The following TNRC6C variants were observed in gnomAD, a reference collection of about 807,000 sequenced individuals.
TNRC6C encodes the protein trinucleotide repeat-containing gene 6C protein.
A neutral mutation model predicts 153.7 loss-of-function variants in TNRC6C; 20 were observed. The ratio of observed to expected loss-of-function variants is 0.13; its 90% CI spans 0.09 to 0.19. The LOEUF is 0.19. Among genes scored for constraint, TNRC6C ranks in the 10% least tolerant of loss-of-function variants. The pLI is 1.00. For synonymous variants in TNRC6C, 811 were observed against 841.4 expected, an observed-to-expected ratio of 0.96 and a Z score of 0.63; for missense variants, 1,987 against 2,172.0, an observed-to-expected ratio of 0.91 and a Z score of 1.69.
At chr17:78,041,645 G>A (rs2072297816) in intron 2 of TNRC6C, among the ~76,000 whole-genome samples, 2 of 152,306 alleles carry the variant, frequency 1.3e-5, no homozygotes, top group South Asian at 4.1e-4. Flanking sequence ...TGAATTCAAA[G>A]TACTTTCTCC....
chr17:78,019,482 A>G (rs1331501046), intron 1 of TNRC6C, among the ~76,000 whole-genome samples: 2 of 152,206 alleles, frequency 1.3e-5, no homozygotes, highest in African/African-American at 4.8e-5. Flanking sequence ...TTTAGCTGAA[A>G]GCAGAAAATC....
In TNRC6C at chr17:78,049,530, A is replaced by G. The variant is rs1247850535; in HGVS notation, c.468A>G (p.Pro156=). ...TAGGTGCTTGGGGAAACTTGCTGCC[A>G]CAAGAGAGCACAGAACCACAAACGT... is the stretch of plus-strand genomic sequence containing the variant. The change falls in exon 3 of 20, where the codon CCA becomes CCG. Residue 156 remains proline, a synonymous_variant. Coordinates refer to ENST00000301624, the Ensembl canonical transcript of TNRC6C. The surrounding 1 kb of genome is among the most constrained non-coding windows in gnomAD (Gnocchi z 4.1). The G allele has an allele frequency of 3.1e-6, 5 of 1,614,066 alleles. No homozygotes were observed. Among genetic ancestry groups the G allele is most frequent in the African/African-American group, 1.3e-5 (1 of 75,068 alleles).
At chr17:77,961,611 C>T (rs886410315) in intron 1 of TNRC6C, among the ~76,000 whole-genome samples, 3 of 152,068 alleles carry the variant, frequency 2.0e-5, no homozygotes, top group South Asian at 4.1e-4. Flanking sequence ...TTTCGTCCTT[C>T]GTGTTTATTG....
At chr17:77,973,322 A>G (rs1392996736) in intron 1 of TNRC6C, among the ~76,000 whole-genome samples, 1 of 152,268 alleles carries the variant, frequency 6.6e-6, no homozygotes, top group African/African-American at 2.4e-5. Flanking sequence ...CAAATTAGGT[A>G]TAAAAGAGAG....
At chr17:78,050,496 C>A in exon 3 of TNRC6C, 1 of 1,613,968 alleles carries the variant, frequency 6.2e-7, no homozygotes, top group Non-Finnish European at 8.5e-7. Context: ...GGACAGAGGC[C>A]TGGGGTTGTG....
intron 3 of TNRC6C, among the ~76,000 whole-genome samples, chr17:78,052,843 G>A (rs1362890055): frequency 6.6e-6 from 1 of 152,196 alleles, no homozygotes; most frequent in Admixed American, 6.5e-5. Context: ...TAACGCATCA[G>A]TGTCACTAAA....
rs969702614 is a variant in TNRC6C at position 78,104,919 on chromosome 17, G to A, written c.*74G>A. On this transcript the variant is annotated 3_prime_UTR_variant, in exon 20 of 20. Coordinates refer to ENST00000301624, the Ensembl canonical transcript of TNRC6C. This position sits in a 1 kb window ranked among gnomAD's most constrained non-coding sequence, Gnocchi z 6.2. ...CCCGGCTGGGCGGCCCCACAGACCC[G>A]CTGGAACCCAGCAGCGGCCGCCCTT... The A allele has an allele frequency of 1.0e-5, 14 of 1,361,014 alleles. No individual in the cohort carries two copies. The highest frequency in any genetic ancestry group is 1.2e-5 in the Non-Finnish European group (13 of 1,061,560). The allele number at this position is 1,361,014 out of a possible 1,614,324, so 84.3% of individuals were successfully genotyped here.
chr17:78,105,836 A>T (rs2073684870), exon 20 of TNRC6C: 1 of 152,080 alleles, frequency 6.6e-6, no homozygotes, highest in Non-Finnish European at 1.5e-5. Context: ...CCTTTAGCTA[A>T]TCCTATACAT....
At chr17:77,958,365 G>T (rs2070826476), upstream of TNRC6C, among the ~76,000 whole-genome samples, 1 of 152,020 alleles carries the variant, frequency 6.6e-6, no homozygotes, top group Admixed American at 6.5e-5. Context: ...CCCGAGCAGT[G>T]CAAGCTCCCA....
intron 16 of TNRC6C, among the ~76,000 whole-genome samples, chr17:78,097,236 AT>A (rs934168258): frequency 4.2e-4 from 64 of 152,106 alleles, no homozygotes; most frequent in African/African-American, 1.3e-3. Flanking sequence ...TTAAAAAAAA[AT>A]TTTTTTTAAG....
rs149445691 is a variant in TNRC6C, at chr17:77,996,811, G to T, written c.-37-7359G>T. 3.6e-3 allele frequency among the ~76,000 whole-genome samples: 543 copies of T among 152,200 alleles called. 2 individuals carry two copies. Among genetic ancestry groups the T allele is most frequent in the African/African-American group, 0.013 (523 of 41,540 alleles). On this transcript the variant is annotated intron_variant, in intron 1 of 22. Transcript: ENST00000636222. Reference sequence around the variant, plus strand: ...TGGCCCAGGGGATGCTGTGCCCTTCGATTAGTCAGACACAAAATGGATCCC... The same window carrying T: ...TGGCCCAGGGGATGCTGTGCCCTTCTATTAGTCAGACACAAAATGGATCCC...
At chr17:78,103,790 A>G (rs1025402803) in intron 19 of TNRC6C, among the ~76,000 whole-genome samples, 10 of 152,020 alleles carry the variant, frequency 6.6e-5, no homozygotes, top group Admixed American at 3.3e-4. Context: ...CTGTTCTTAT[A>G]TGGTCGTCTC....
exon 3 of TNRC6C, chr17:78,051,427 C>G (rs1299628322): frequency 6.6e-7 from 1 of 1,520,652 alleles, no homozygotes; most frequent in Admixed American, 2.1e-5. Flanking sequence ...TCAGCTGAAT[C>G]GATCACCGTT....
Position 78,009,805 on chromosome 17 carries a change from G to A in TNRC6C, c.-546+4726G>A, listed in dbSNP as rs188784296. On this transcript the variant is annotated intron_variant, in intron 1 of 19. Coordinates refer to ENST00000301624, the Ensembl canonical transcript of TNRC6C. ...CCTGACCTCGTGATCTGCCCACTTC[G>A]GCCTCCCAAAGTGCTGGGATTACAG... 6.2e-3 allele frequency among the ~76,000 whole-genome samples: 947 copies of A among 152,168 alleles called. 5 individuals are homozygous for A. The highest frequency in any genetic ancestry group is 0.012 in the Admixed American group (181 of 15,284).
intron 3 of TNRC6C, among the ~76,000 whole-genome samples, chr17:78,062,416 A>T (rs67500653): frequency 0.061 from 9,326 of 152,292 alleles, 325 homozygotes; most frequent in Middle Eastern, 0.099. Context: ...TTTGTAATTG[A>T]TATTGTAATA....
exon 3 of TNRC6C, chr17:78,050,349 A>T: frequency 6.2e-7 from 1 of 1,610,604 alleles, no homozygotes; most frequent in East Asian, 2.2e-5. Context: ...TTATAGACCA[A>T]GGGCACATCC....
intron 1 of TNRC6C, among the ~76,000 whole-genome samples, chr17:77,991,608 T>C (rs1207812278): frequency 1.3e-5 from 2 of 152,210 alleles, no homozygotes; most frequent in African/African-American, 4.8e-5. Context: ...TGAACAAGGA[T>C]GCTTGGCCAG....
chr17:78,070,515 T>C (rs545517577), intron 5 of TNRC6C, among the ~76,000 whole-genome samples: 22 of 151,124 alleles, frequency 1.5e-4, no homozygotes, highest in Non-Finnish European at 2.9e-4. Context: ...CCCCCACTGC[T>C]CTTTCTGTAG....
chr17:77,958,472 A>C (rs1393505865), upstream of TNRC6C, among the ~76,000 whole-genome samples: 1 of 151,648 alleles, frequency 6.6e-6, no homozygotes, highest in Non-Finnish European at 1.5e-5. Flanking sequence ...GCGGGTATTA[A>C]GGGGAAAGGA....
Sources: allele counts gnomAD v4.1 joint callset (sites outside exome capture counted in the v4.1 genomes callset), GRCh38; gene constraint gnomAD v4.1.1; non-coding constraint Gnocchi (gnomAD v3.1); transcripts MANE v1.5; gene names NCBI Gene and HGNC (gene_info 2026-07-23, HGNC 2026-07-21).